The following DCC variants were observed in gnomAD, a reference collection of about 807,000 sequenced individuals.
DCC encodes netrin receptor DCC.
Under a neutral mutation model 172.5 loss-of-function variants are expected in DCC, and 58 were observed. The observed-to-expected ratio is 0.34, with a 90% CI of 0.27 to 0.42. DCC has a LOEUF of 0.42. DCC is among the 10% of genes least tolerant of loss of function. The pLI, the probability that DCC is intolerant of heterozygous loss-of-function variation, is 1.00. For missense variants in DCC, 1,740 were observed against 1,791.0 expected, an observed-to-expected ratio of 0.97 and a Z score of 0.51; for synonymous variants, 709 against 644.5, an observed-to-expected ratio of 1.10 and a Z score of -1.52.
At chr18:52,344,359 C>T (rs1000283547) in intron 1 of DCC, among the ~76,000 whole-genome samples, 2 of 151,918 alleles carry the variant, frequency 1.3e-5, no homozygotes, top group Non-Finnish European at 1.5e-5. Context: ...GGTGGGGAGG[C>T]GGGGATATTT....
At chr18:53,210,020 A>T (rs1200974917) in intron 11 of DCC, among the ~76,000 whole-genome samples, 2 of 152,206 alleles carry the variant, frequency 1.3e-5, no homozygotes, top group East Asian at 3.9e-4. Context: ...AGGACACCAA[A>T]TTCTCTCTCT....
chr18:53,177,569 A>G (rs1175226575), intron 8 of DCC, among the ~76,000 whole-genome samples: 1 of 152,172 alleles, frequency 6.6e-6, no homozygotes, highest in African/African-American at 2.4e-5. Flanking sequence ...CTTCTCTAGA[A>G]TTATTACAAA....
At chr18:52,387,183 G>A (rs760221511) in intron 1 of DCC, among the ~76,000 whole-genome samples, 4 of 152,138 alleles carry the variant, frequency 2.6e-5, no homozygotes, top group African/African-American at 4.8e-5. Flanking sequence ...TTTGCTTCCT[G>A]TCTAATGTAC....
chr18:52,951,805 T>G (rs2040652599), intron 5 of DCC, among the ~76,000 whole-genome samples: 1 of 152,202 alleles, frequency 6.6e-6, no homozygotes, highest in Non-Finnish European at 1.5e-5. Flanking sequence ...ATTGTGTCAT[T>G]TTGCATAAAT....
chr18:53,274,175 C>G (rs970629003), intron 12 of DCC, among the ~76,000 whole-genome samples: 9 of 152,132 alleles, frequency 5.9e-5, no homozygotes, highest in Admixed American at 4.6e-4. Flanking sequence ...TATTCACACA[C>G]AAGTACATTC....
intron 1 of DCC, among the ~76,000 whole-genome samples, chr18:52,744,914 G>T (rs949644978): frequency 6.6e-6 from 1 of 152,196 alleles, no homozygotes. Flanking sequence ...TCTTTTGGAA[G>T]AGGCTTGTAG....
chr18:53,132,984 A>G (rs1171016928), intron 7 of DCC, among the ~76,000 whole-genome samples: 2 of 152,204 alleles, frequency 1.3e-5, no homozygotes, highest in East Asian at 3.9e-4. Context: ...ACCTAGAGCT[A>G]TATGAAGCAG....
intron 16 of DCC, among the ~76,000 whole-genome samples, chr18:53,387,168 C>T (rs1435644712): frequency 2.0e-5 from 3 of 152,120 alleles, no homozygotes; most frequent in East Asian, 1.9e-4. Flanking sequence ...AGTGGAATCC[C>T]GTGGCTTCTA....
chr18:52,423,327 C>G (rs1217222764), intron 1 of DCC, among the ~76,000 whole-genome samples: 1 of 152,078 alleles, frequency 6.6e-6, no homozygotes, highest in Admixed American at 6.6e-5. Context: ...GGGGGATCTG[C>G]AAAGTCGTCA....
chr18:52,997,943 C>A (rs1277894128), intron 5 of DCC, among the ~76,000 whole-genome samples: 2 of 152,032 alleles, frequency 1.3e-5, no homozygotes, highest in Non-Finnish European at 2.9e-5. Flanking sequence ...CTCAGAGCCA[C>A]TCAGCCATAA....
chr18:53,100,694 C>G (rs2043160021), intron 7 of DCC, among the ~76,000 whole-genome samples: 1 of 151,894 alleles, frequency 6.6e-6, no homozygotes, highest in African/African-American at 2.4e-5. Context: ...ACCGAGCTAC[C>G]TGTGTAGCAG....
At chr18:52,843,502 AAAG>A (rs1287096120) in intron 2 of DCC, among the ~76,000 whole-genome samples, 37 of 152,314 alleles carry the variant, frequency 2.4e-4, no homozygotes, top group African/African-American at 8.4e-4. Flanking sequence ...TTTAATATAA[AAAG>A]TACTGCATTG....
intron 1 of DCC, among the ~76,000 whole-genome samples, chr18:52,359,734 A>G (rs1478700303): frequency 6.6e-6 from 1 of 152,214 alleles, no homozygotes; most frequent in African/African-American, 2.4e-5. Context: ...TTATGCTACA[A>G]AGTAAACCTC....
intron 1 of DCC, among the ~76,000 whole-genome samples, chr18:52,610,233 A>G (rs2034246047): frequency 9.2e-6 from 1 of 108,608 alleles, no homozygotes; most frequent in South Asian, 3.5e-4. Context: ...ATATAAAATT[A>G]GCCAGATGTG....
chr18:52,771,245 C>A (rs970191210), intron 2 of DCC, among the ~76,000 whole-genome samples: 1 of 152,218 alleles, frequency 6.6e-6, no homozygotes, highest in African/African-American at 2.4e-5. Flanking sequence ...CCATATATTT[C>A]TTTTAATGCA....
intron 22 of DCC, among the ~76,000 whole-genome samples, chr18:53,440,822 G>A (rs1912229159): frequency 6.6e-6 from 1 of 152,056 alleles, no homozygotes; most frequent in South Asian, 2.1e-4. Context: ...TCTAAACCCA[G>A]ATTCTAGACC....
chr18:53,415,922 A>G (rs999642916), intron 20 of DCC, among the ~76,000 whole-genome samples: 2 of 152,126 alleles, frequency 1.3e-5, no homozygotes, highest in African/African-American at 4.8e-5. Flanking sequence ...TTTGTACAGC[A>G]AAAACATTAT....
intron 8 of DCC, among the ~76,000 whole-genome samples, chr18:53,171,635 T>C (rs571161186): frequency 6.4e-4 from 98 of 152,304 alleles, no homozygotes; most frequent in Middle Eastern, 6.8e-3. Flanking sequence ...GATATTTTCA[T>C]TTCATGATCT....
chr18:52,745,637 T>C (rs983739265), intron 1 of DCC, among the ~76,000 whole-genome samples: 3 of 152,194 alleles, frequency 2.0e-5, no homozygotes, highest in East Asian at 1.9e-4. Flanking sequence ...TTTGTTTGGG[T>C]TGGGAACATT....
Sources: allele counts gnomAD v4.1 joint callset (sites outside exome capture counted in the v4.1 genomes callset), GRCh38; gene constraint gnomAD v4.1.1; transcripts MANE v1.5; gene names NCBI Gene and HGNC (gene_info 2026-07-23, HGNC 2026-07-21).